The following FOXK2 variants were observed in gnomAD, a reference collection of about 807,000 sequenced individuals.
The protein encoded by FOXK2 is forkhead box protein K2.
In FOXK2, 24 loss-of-function variants were observed where a neutral mutation model predicts 53.3. The observed-to-expected ratio is 0.45, with a 90% CI of 0.33 to 0.63. The LOEUF (loss-of-function observed/expected upper bound fraction) is 0.63. Ranked by LOEUF, FOXK2 falls within the 30% of genes least tolerant of loss-of-function variation. FOXK2 has a pLI of 0.03. For missense variants in FOXK2, 952 were observed against 910.5 expected, an observed-to-expected ratio of 1.05 and a Z score of -0.59; for synonymous variants, 505 against 407.1, an observed-to-expected ratio of 1.24 and a Z score of -2.89.
chr17:82,537,857 G>A (rs1290976078), intron 1 of FOXK2, among the ~76,000 whole-genome samples: 1 of 150,524 alleles, frequency 6.6e-6, no homozygotes, highest in African/African-American at 2.4e-5. Context: ...GGGAGGTGGA[G>A]GTTATAGTGA....
At chr17:82,583,008 C>T (rs2143095731) in intron 5 of FOXK2, 74 bp downstream of exon 5, 3 of 1,189,174 alleles carry the variant, frequency 2.5e-6, no homozygotes, top group Non-Finnish European at 3.4e-6. Context: ...GGAAAATTTC[C>T]TTTTGAAAAT....
intron 4 of FOXK2, among the ~76,000 whole-genome samples, chr17:82,577,636 C>T (rs1237222867): frequency 6.6e-6 from 1 of 152,222 alleles, no homozygotes; most frequent in Non-Finnish European, 1.5e-5. Flanking sequence ...TATGATTTTA[C>T]TTCACCCAGA....
intron 1 of FOXK2, among the ~76,000 whole-genome samples, chr17:82,554,525 T>G (rs921820078): frequency 3.3e-5 from 5 of 152,188 alleles, no homozygotes; most frequent in South Asian, 2.1e-4. Flanking sequence ...TTTGTTCAAG[T>G]GAAGGAAATG....
Position 82,544,033 on chromosome 17 carries a change from C to T in FOXK2, c.420-19321C>T, listed in dbSNP as rs564139218. Among the ~76,000 whole-genome samples the T allele has an allele frequency of 2.6e-4, 40 of 152,266 alleles. No individual in the cohort carries two copies. The South Asian group carries it at 8.1e-3, about 31-fold the overall frequency. On this transcript the variant is annotated intron_variant, in intron 1 of 8. Transcript: ENST00000335255. ...CCTCGTGATCCGCCCGCCTCAGCCT[C>T]CCAAAGTGCTCGGATTACAGGCGTG...
chr17:82,571,183 A>G (rs538582204), intron 3 of FOXK2, among the ~76,000 whole-genome samples: 2 of 152,346 alleles, frequency 1.3e-5, no homozygotes, highest in Non-Finnish European at 2.9e-5. Flanking sequence ...CACTGAGGTC[A>G]AGCAGCCTTT....
At chr17:82,545,363 C>T (rs1173879100) in intron 1 of FOXK2, among the ~76,000 whole-genome samples, 3 of 152,078 alleles carry the variant, frequency 2.0e-5, no homozygotes, top group Non-Finnish European at 4.4e-5. Flanking sequence ...TTGTAGGAGA[C>T]GGTGTTTGTT....
In FOXK2 at chr17:82,601,758, ACTCTGTCCTCCCGCGAGGACCAGGCATCG is replaced by A. The variant is rs1241467230; in HGVS notation, c.*262_*290del. 4.0e-4 allele frequency: 155 copies of A among 391,704 alleles called. 1 individual carries two copies. The South Asian group carries it at 7.3e-3, about 19-fold the overall frequency. 24.3% of individuals were successfully genotyped at this position (391,704 alleles called of 1,614,324 possible). On this transcript the variant is annotated 3_prime_UTR_variant, in exon 9 of 9. Transcript: ENST00000335255. Reference sequence around the variant, plus strand: ...GGCTGAGCTTCTACCTACGAGTGAAACTCTGTCCTCCCGCGAGGACCAGGCATCGCTGTGTGAGGACGGCACGGCCAGCG... The same window carrying A: ...GGCTGAGCTTCTACCTACGAGTGAAACTGTGTGAGGACGGCACGGCCAGCG...
chr17:82,596,682 C>G (rs2045316892), intron 8 of FOXK2, among the ~76,000 whole-genome samples: 1 of 152,212 alleles, frequency 6.6e-6, no homozygotes, highest in Non-Finnish European at 1.5e-5. Context: ...GGCATTTCCG[C>G]GTGAACTGTA....
intron 6 of FOXK2, 52 bp from the exon 7 acceptor site, chr17:82,585,848 CTTTG>C: frequency 1.3e-6 from 2 of 1,556,318 alleles, no homozygotes; most frequent in Non-Finnish European, 8.8e-7. Context: ...GTGTGAGAAC[CTTTG>C]TTTGTAGAAG....
chr17:82,577,747 A>T (rs2045006606), intron 4 of FOXK2, among the ~76,000 whole-genome samples: 1 of 151,728 alleles, frequency 6.6e-6, no homozygotes. Context: ...TGTTTTATTT[A>T]TTTTTTTGGG....
chr17:82,569,923 T>TAG (rs1040780905), intron 3 of FOXK2, among the ~76,000 whole-genome samples: 6 of 102,112 alleles, frequency 5.9e-5, no homozygotes, highest in East Asian at 6.2e-4. Context: ...TTTTTCTGTT[T>TAG]AAAAAAAAAA....
In FOXK2 at chr17:82,602,093, T is replaced by C. The variant is rs1346171686; in HGVS notation, c.*594T>C. On this transcript the variant is annotated 3_prime_UTR_variant, in exon 9 of 9. Coordinates refer to ENST00000335255, the MANE Select transcript of FOXK2 (RefSeq NM_004514.4). ...CTATGGAATGATTTCCTTTTGTCTG[T>C]CTTGTTCAAGTTCAGACGAAGCTAC... 6.6e-6 allele frequency: 1 copy of C among 152,476 alleles called. No individual in the cohort carries two copies. Among genetic ancestry groups the C allele is most frequent in the African/African-American group, 2.4e-5 (1 of 41,466 alleles). The allele number at this position is 152,476 out of a possible 1,614,324, so 9.4% of individuals were successfully genotyped here. A position where few individuals can be genotyped will look rare whatever the true frequency, so the allele number is the denominator to read the frequency against.
intron 1 of FOXK2, among the ~76,000 whole-genome samples, chr17:82,548,413 G>C (rs752726705): frequency 2.0e-4 from 30 of 152,030 alleles, no homozygotes; most frequent in Admixed American, 7.9e-4. Flanking sequence ...CCTTGCTGTT[G>C]AGCATCTCTA....
At chr17:82,578,229 A>C (rs2045013261) in intron 4 of FOXK2, 1 of 152,348 alleles carries the variant, frequency 6.6e-6, no homozygotes, top group Non-Finnish European at 1.5e-5. Flanking sequence ...GAAACAGACA[A>C]ACCGTCCTTG....
At chr17:82,556,487 A>G (rs1291735925) in intron 1 of FOXK2, among the ~76,000 whole-genome samples, 2 of 151,592 alleles carry the variant, frequency 1.3e-5, no homozygotes, top group Non-Finnish European at 2.9e-5. Flanking sequence ...ATAGCTTTTA[A>G]ATGTATTCCA....
rs1282305641 is a variant in FOXK2, at chr17:82,546,113, G to GTTTT, written c.420-17241_420-17240insTTTT. Among the ~76,000 whole-genome samples, 37 of 97,962 alleles carry GTTTT rather than the reference G, an allele frequency of 3.8e-4. 2 individuals are homozygous for GTTTT. The East Asian group carries it at 4.7e-3, about 13-fold the overall frequency. 64.3% of individuals were successfully genotyped at this position (97,962 alleles called of 152,430 possible). On this transcript the variant is annotated intron_variant, in intron 1 of 8. Coordinates refer to ENST00000335255, the MANE Select transcript of FOXK2 (RefSeq NM_004514.4). ...TGCTTACTTGCTACCAAGCATGGTT[G>GTTTT]GTTTTTTTTTTTTTTTTTTTTGAGA... is the stretch of plus-strand genomic sequence containing the variant.
intron 8 of FOXK2, among the ~76,000 whole-genome samples, chr17:82,588,886 TA>T (rs71369024): frequency 0.17 from 20,822 of 121,968 alleles, 1,648 homozygotes; most frequent in Middle Eastern, 0.2. Flanking sequence ...CCATTTCTAC[TA>T]AAAAAAAAAA....
At chr17:82,583,040 A>G (rs781332970) in intron 5 of FOXK2, 106 bp downstream of exon 5, 17 of 786,078 alleles carry the variant, frequency 2.2e-5, no homozygotes, top group Non-Finnish European at 3.0e-5. Flanking sequence ...TAAATGCATT[A>G]TGATTAAATG....
intron 8 of FOXK2, among the ~76,000 whole-genome samples, chr17:82,592,685 T>C (rs2045264087): frequency 6.6e-6 from 1 of 152,230 alleles, no homozygotes; most frequent in Non-Finnish European, 1.5e-5. Flanking sequence ...TCCTCAAATA[T>C]CATTTGTTGA....
Sources: gnomAD v4.1 joint callset for allele counts (sites outside exome capture counted in the v4.1 genomes callset) on GRCh38, gnomAD v4.1.1 for gene constraint, MANE v1.5 for transcripts, NCBI Gene and HGNC (gene_info 2026-07-23, HGNC 2026-07-21) for gene names.